DKK2: variants seen among roughly 807,000 people sequenced by gnomAD.
DKK2 encodes the protein dickkopf-related protein 2.
A neutral mutation model predicts 28.1 loss-of-function variants in DKK2; 11 were observed. The observed-to-expected ratio is 0.39, with a 90% CI of 0.25 to 0.65. The LOEUF (loss-of-function observed/expected upper bound fraction) is 0.65, where lower values mean the gene tolerates loss of function less well. Among genes scored for constraint, DKK2 ranks in the 30% least tolerant of loss-of-function variants. DKK2 has a pLI of 0.47. For synonymous variants in DKK2, 135 were observed against 126.5 expected (o/e 1.07, Z -0.45); for missense variants, 326 against 335.5 (o/e 0.97, Z 0.22).
At chr4:106,998,294 G>C (rs935297604) in intron 1 of DKK2, among the ~76,000 whole-genome samples, 1 of 152,056 alleles carries the variant, frequency 6.6e-6, no homozygotes, top group South Asian at 2.1e-4. Flanking sequence ...TCTCAATCTG[G>C]CCCCAAAACA....
At chr4:106,992,764 G>C (rs1445664580) in intron 1 of DKK2, among the ~76,000 whole-genome samples, 2 of 152,102 alleles carry the variant, frequency 1.3e-5, no homozygotes, top group Non-Finnish European at 2.9e-5. Context: ...TGTAGCAGAG[G>C]GAGATTTCTC....
chr4:106,997,928 C>T (rs1393070224), intron 1 of DKK2, among the ~76,000 whole-genome samples: 2 of 152,118 alleles, frequency 1.3e-5, no homozygotes, highest in South Asian at 2.1e-4. Flanking sequence ...GTAGTGTTAC[C>T]TAACTATTGT....
chr4:106,932,830 T>G (rs1724522972), intron 1 of DKK2, among the ~76,000 whole-genome samples: 1 of 152,190 alleles, frequency 6.6e-6, no homozygotes, highest in Admixed American at 6.5e-5. Flanking sequence ...CCTTATAAAT[T>G]TTCCTGATGT....
At chr4:106,945,436 T>C (rs531765012) in intron 1 of DKK2, among the ~76,000 whole-genome samples, 1 of 152,212 alleles carries the variant, frequency 6.6e-6, no homozygotes, top group Admixed American at 6.6e-5. Context: ...CAGTTACTGG[T>C]TATATAATAA....
At chr4:107,008,330 G>T (rs1723467094) in intron 1 of DKK2, among the ~76,000 whole-genome samples, 1 of 152,078 alleles carries the variant, frequency 6.6e-6, no homozygotes, top group Non-Finnish European at 1.5e-5. Context: ...GTGGAAATGG[G>T]AAGTGAGCAG....
intron 1 of DKK2, among the ~76,000 whole-genome samples, chr4:106,945,776 A>G (rs1724767402): frequency 6.6e-6 from 1 of 152,152 alleles, no homozygotes; most frequent in Non-Finnish European, 1.5e-5. Context: ...TATGTTTTCT[A>G]TTGAGGACAA....
intron 1 of DKK2, among the ~76,000 whole-genome samples, chr4:106,999,820 A>G (rs1382702672): frequency 2.6e-5 from 4 of 152,192 alleles, no homozygotes; most frequent in African/African-American, 7.2e-5. Context: ...GATATTCTAT[A>G]GACATATAAT....
At chr4:107,029,484 C>T (rs145211308) in intron 1 of DKK2, among the ~76,000 whole-genome samples, 471 of 152,208 alleles carry the variant, frequency 3.1e-3, no homozygotes, top group African/African-American at 0.011. Context: ...ACGCAATTGA[C>T]GATTTAGTTT....
At chr4:106,963,144 G>A (rs1038683261) in intron 1 of DKK2, among the ~76,000 whole-genome samples, 1 of 151,890 alleles carries the variant, frequency 6.6e-6, no homozygotes, top group Non-Finnish European at 1.5e-5. Flanking sequence ...CACTAGGTCA[G>A]GAGTTCGAGA....
intron 1 of DKK2, among the ~76,000 whole-genome samples, chr4:106,956,887 C>A (rs1425788608): frequency 6.7e-5 from 10 of 150,356 alleles, no homozygotes; most frequent in African/African-American, 1.7e-4. Context: ...GCAACAAAAG[C>A]CAAAATTGAC....
chr4:106,927,798 T>C (rs1365804918), intron 1 of DKK2, among the ~76,000 whole-genome samples: 2 of 152,242 alleles, frequency 1.3e-5, no homozygotes, highest in African/African-American at 4.8e-5. Flanking sequence ...TTCATTTACA[T>C]TTATTTCATC....
At chr4:106,937,307 G>C (rs1352526961) in intron 1 of DKK2, among the ~76,000 whole-genome samples, 1 of 134,780 alleles carries the variant, frequency 7.4e-6, no homozygotes, top group African/African-American at 2.8e-5. Flanking sequence ...AAAAGGCAGG[G>C]GTTGCAATCC....
chr4:106,968,404 T>C (rs542479967), intron 1 of DKK2, among the ~76,000 whole-genome samples: 1 of 152,284 alleles, frequency 6.6e-6, no homozygotes, highest in Non-Finnish European at 1.5e-5. Flanking sequence ...TAAGGTGATG[T>C]AACCAGTTCT....
At chr4:107,018,811 CCT>C (rs1326363678) in intron 1 of DKK2, among the ~76,000 whole-genome samples, 1 of 152,006 alleles carries the variant, frequency 6.6e-6, no homozygotes, top group East Asian at 1.9e-4. Context: ...GTAGTAACTG[CCT>C]ATCTTTTTTC....
intron 1 of DKK2, among the ~76,000 whole-genome samples, chr4:107,024,223 C>G (rs1056377141): frequency 2.6e-5 from 4 of 152,026 alleles, no homozygotes; most frequent in African/African-American, 9.7e-5. Context: ...TCTTATCAAG[C>G]CTTTCAAGGT....
intron 1 of DKK2, among the ~76,000 whole-genome samples, chr4:106,932,782 C>T (rs1334906002): frequency 6.6e-6 from 1 of 152,108 alleles, no homozygotes; most frequent in Non-Finnish European, 1.5e-5. Flanking sequence ...AAGGTCTCTT[C>T]CAAATCTGGG....
chr4:106,966,941 G>T (rs184012274), intron 1 of DKK2, among the ~76,000 whole-genome samples: 223 of 152,234 alleles, frequency 1.5e-3, no homozygotes, highest in Non-Finnish European at 2.6e-3. Flanking sequence ...CTTGGGTGGG[G>T]ACACAGCCAA....
At chr4:107,007,003 T>G (rs1365763902) in intron 1 of DKK2, among the ~76,000 whole-genome samples, 2 of 152,170 alleles carry the variant, frequency 1.3e-5, no homozygotes, top group Non-Finnish European at 2.9e-5. Context: ...AGTCCTTTTT[T>G]TTTTTAGATG....
chr4:106,958,223 AG>A (rs1282233610), intron 1 of DKK2, among the ~76,000 whole-genome samples: 5 of 151,626 alleles, frequency 3.3e-5, no homozygotes, highest in Non-Finnish European at 5.9e-5. Flanking sequence ...AATAAAAAAA[AG>A]CTATCCCAAA....
Sources: gnomAD v4.1 joint callset for allele counts (sites outside exome capture counted in the v4.1 genomes callset) on GRCh38, gnomAD v4.1.1 for gene constraint, MANE v1.5 for transcripts, NCBI Gene and HGNC (gene_info 2026-07-23, HGNC 2026-07-21) for gene names.